FASTKD1: variants seen among roughly 807,000 people sequenced by gnomAD.
FASTKD1 encodes FAST kinase domains 1.
FASTKD1 carries 94 observed loss-of-function variants against 90.9 expected under a neutral mutation model. That is an observed-to-expected ratio of 1.03 (90% CI 0.88 to 1.23). The LOEUF is 1.23. Ranked by LOEUF, FASTKD1 falls within the 50% of genes most tolerant of loss-of-function variation. The pLI is 0.00. For synonymous variants in FASTKD1, 319 were observed against 345.8 expected, an observed-to-expected ratio of 0.92 and a Z score of 0.86; for missense variants, 945 against 993.5, an observed-to-expected ratio of 0.95 and a Z score of 0.66.
intron 3 of FASTKD1, among the ~76,000 whole-genome samples, chr2:169,564,474 G>A (rs1457178724): frequency 6.6e-6 from 1 of 151,792 alleles, no homozygotes; most frequent in Non-Finnish European, 1.5e-5. Context: ...TATATTTATG[G>A]GGTACATGAG....
intron 3 of FASTKD1, among the ~76,000 whole-genome samples, chr2:169,564,256 T>C (rs1683852503): frequency 6.6e-6 from 1 of 152,138 alleles, no homozygotes; most frequent in African/African-American, 2.4e-5. Context: ...AAGACCTTTA[T>C]AAGACAATCA....
chr2:169,569,265 G>T lies in FASTKD1; in HGVS notation c.378-13C>A, dbSNP rs986722948. 3 of 1,611,180 alleles carry T rather than the reference G, an allele frequency of 1.9e-6. No individual in the cohort carries two copies. The Admixed American group carries it at 5.0e-5, about 27-fold the overall frequency. The stretch of plus-strand genomic sequence containing the variant: ...CTCACCAGCAAACCTTAATAAAAAA[G>T]AAAGAATCCTCCATACATAATCATT... On this transcript the variant is annotated splice_polypyrimidine_tract_variant and intron_variant, in intron 2 of 14. Transcript: ENST00000453153.
chr2:169,536,139 T>C (rs1196173921), intron 12 of FASTKD1, among the ~76,000 whole-genome samples: 1 of 152,154 alleles, frequency 6.6e-6, no homozygotes, highest in Non-Finnish European at 1.5e-5. Flanking sequence ...AATAAATTCA[T>C]TGAGCACTTA....
At chr2:169,552,272 G>A (rs1039332275) in intron 7 of FASTKD1, among the ~76,000 whole-genome samples, 7 of 152,100 alleles carry the variant, frequency 4.6e-5, no homozygotes, top group African/African-American at 9.7e-5. Flanking sequence ...ATTATCATAC[G>A]TGCTTCAAGT....
At chr2:169,569,337 G>T in intron 2 of FASTKD1, 85 bp from the exon 3 acceptor site, 1 of 1,262,762 alleles carries the variant, frequency 7.9e-7, no homozygotes, top group Non-Finnish European at 1.2e-6. Flanking sequence ...ATGCAAAAGT[G>T]AAACTCAAGT....
At chr2:169,537,395 T>TC in intron 11 of FASTKD1, 55 bp from the exon 12 acceptor site, 3 of 1,254,832 alleles carry the variant, frequency 2.4e-6, no homozygotes, top group Non-Finnish European at 3.3e-6. Context: ...TTTTTTTTTT[T>TC]CCTTTGAGAC....
chr2:169,546,306 T>C lies in FASTKD1; in HGVS notation c.1613A>G (p.Glu538Gly), dbSNP rs753737072. ...MDDINYINVG[E>G]IASFISSTDY... is the part of the protein sequence containing the mutation. ...AGTACTAGAAATAAAAGATGCAATC[T>C]CCCCAACATTTATGTAATTAATATC... Residue 538 changes from glutamate to glycine, a missense_variant, in exon 8 of 15, where the codon GAG (glutamate) becomes GGG (glycine). Glu to Gly is a moderately conservative substitution (Grantham distance 98). Coordinates refer to ENST00000453153, the MANE Select transcript of FASTKD1 (RefSeq NM_024622.6). 5.1e-5 allele frequency: 83 copies of C among 1,613,718 alleles called. No individual in the cohort carries two copies. Among genetic ancestry groups the C allele is most frequent in the Non-Finnish European group, 6.9e-5 (81 of 1,179,934 alleles).
intron 3 of FASTKD1, among the ~76,000 whole-genome samples, chr2:169,565,171 G>C (rs1211255345): frequency 7.0e-6 from 1 of 143,712 alleles, no homozygotes; most frequent in African/African-American, 2.6e-5. Context: ...GGCTGGTCTC[G>C]AACTCCTGAC....
intron 12 of FASTKD1, among the ~76,000 whole-genome samples, chr2:169,534,786 G>A (rs1358439851): frequency 6.6e-6 from 1 of 151,862 alleles, no homozygotes; most frequent in African/African-American, 2.4e-5. Flanking sequence ...AAATTAACCA[G>A]TCTCAGGTAT....
At position 169,557,233 on chromosome 2, in the gene FASTKD1, C is replaced by T. The variant is rs1353791051; in HGVS notation, c.1036G>A (p.Gly346Arg). Residue 346 changes from glycine (G) to arginine (R), a missense_variant, in exon 6 of 15, where the codon GGA (glycine) becomes AGA (arginine). Transcript: ENST00000453153. ...CTGCTTTCCATATCTCCCATTGCTCCCAACACTGCCAGGGCTTGCTCGCCA... is the reference window on the plus strand; with the variant it reads ...CTGCTTTCCATATCTCCCATTGCTCTCAACACTGCCAGGGCTTGCTCGCCA... ...LTGEQALAVL[G>R]AMGDMESRNS... 2.5e-6 allele frequency: 4 copies of T among 1,612,924 alleles called. No individual in the cohort carries two copies. The highest frequency in any genetic ancestry group is 2.2e-5 in the East Asian group (1 of 44,830).
chr2:169,538,105 T>A lies in FASTKD1; in HGVS notation c.1982A>T (p.His661Leu), dbSNP rs1335547035. The A allele has an allele frequency of 6.2e-7, 1 of 1,609,144 alleles. No individual in the cohort carries two copies. Among genetic ancestry groups the A allele is most frequent in the East Asian group, 2.2e-5 (1 of 44,614 alleles). ...SPSRSARVQF[H>L]LMELNRSVCL... The stretch of plus-strand genomic sequence containing the variant: ...GACTGATCTATTTAACTCCATAAGA[T>A]GAAACTGGACTCTTGCACTTCGAGA... Residue 661 changes from histidine to leucine, a missense_variant, in exon 11 of 15, where the codon CAT (histidine) becomes CTT (leucine). Transcript: ENST00000453153.
chr2:169,546,542 T>G lies in FASTKD1; in HGVS notation c.1377A>C (p.Leu459Phe). ...ACATGTGATCATGCTGAATCCATCT[T>G]AAAACAGATGTGGCAAAACTACTCA... Reference protein sequence around the residue: ...NNLSSFATSVLRWIQHDHMYL... With the variant: ...NNLSSFATSVFRWIQHDHMYL... Residue 459 changes from leucine to phenylalanine, a missense_variant, in exon 8 of 15, where the codon TTA (leucine) becomes TTC (phenylalanine). Leu to Phe is a conservative substitution (Grantham distance 22, BLOSUM62 0). Transcript: ENST00000453153. 6.2e-7 allele frequency: 1 copy of G among 1,614,166 alleles called. No individual in the cohort carries two copies. The highest frequency in any genetic ancestry group is 8.5e-7 in the Non-Finnish European group (1 of 1,180,032).
At chr2:169,534,749 G>A (rs1346697303) in intron 12 of FASTKD1, among the ~76,000 whole-genome samples, 1 of 152,082 alleles carries the variant, frequency 6.6e-6, no homozygotes, top group East Asian at 1.9e-4. Context: ...GTGTGCCACT[G>A]CGCCCGGCCA....
intron 7 of FASTKD1, among the ~76,000 whole-genome samples, chr2:169,553,153 C>T (rs564027560): frequency 1.3e-5 from 2 of 151,592 alleles, no homozygotes; most frequent in Admixed American, 6.6e-5. Context: ...TGCAGTGAGC[C>T]GAGATCATGC....
chr2:169,532,990 C>T (rs1197644487), intron 12 of FASTKD1, among the ~76,000 whole-genome samples: 2 of 151,536 alleles, frequency 1.3e-5, no homozygotes, highest in Non-Finnish European at 2.9e-5. Flanking sequence ...CCCATAATTC[C>T]CATAAATGTT....
chr2:169,553,847 G>A (rs373629453), intron 7 of FASTKD1, among the ~76,000 whole-genome samples: 13 of 152,060 alleles, frequency 8.5e-5, no homozygotes, highest in South Asian at 6.2e-4. Flanking sequence ...GCGTGAACCC[G>A]GGTGGCAGAG....
At position 169,562,069 on chromosome 2, in the gene FASTKD1, TA is replaced by T. The variant is rs1197631743; in HGVS notation, c.572+1155del. 5.9e-4 allele frequency among the ~76,000 whole-genome samples: 77 copies of T among 131,618 alleles called. 14 individuals carry two copies. The highest frequency in any genetic ancestry group is 1.9e-3 in the African/African-American group (67 of 35,068). The allele number at this position is 131,618 out of a possible 152,430, so 86.3% of individuals were successfully genotyped here. ...AAATTAATTATTTATTAATTTATTGTAAAATAATTATTTATTAATTTATTGT... is the reference window on the plus strand; with the variant it reads ...AAATTAATTATTTATTAATTTATTGTAAATAATTATTTATTAATTTATTGT... On this transcript the variant is annotated intron_variant, in intron 4 of 14. Transcript: ENST00000453153.
chr2:169,569,773 C>A (rs1684149399), intron 2 of FASTKD1, among the ~76,000 whole-genome samples: 1 of 152,102 alleles, frequency 6.6e-6, no homozygotes, highest in Non-Finnish European at 1.5e-5. Flanking sequence ...ATTGCTTGAA[C>A]CCTGGAGGTA....
At chr2:169,535,456 AT>A (rs745620572) in intron 12 of FASTKD1, among the ~76,000 whole-genome samples, 187 of 106,152 alleles carry the variant, frequency 1.8e-3, no homozygotes, top group Admixed American at 3.4e-3. Flanking sequence ...TTATTTATTT[AT>A]TTATTTATTA....
Sources: gnomAD v4.1 joint callset for allele counts (sites outside exome capture counted in the v4.1 genomes callset) on GRCh38, gnomAD v4.1.1 for gene constraint, MANE v1.5 for transcripts, NCBI Gene and HGNC (gene_info 2026-07-23, HGNC 2026-07-21) for gene names.